The following CARMIL1 variants were observed in gnomAD, a reference collection of about 807,000 sequenced individuals.
The protein encoded by CARMIL1 is capping protein regulator and myosin 1 linker 1, also known as F-actin-uncapping protein LRRC16A.
Under a neutral mutation model 177.1 loss-of-function variants are expected in CARMIL1, and 90 were observed. That is an observed-to-expected ratio of 0.51 (90% CI 0.43 to 0.61). The LOEUF is 0.61. Among genes scored for constraint, CARMIL1 ranks in the 20% least tolerant of loss-of-function variants. The pLI, the probability that CARMIL1 is intolerant of heterozygous loss-of-function variation, is 0.00. For missense variants in CARMIL1, 1,380 were observed against 1,667.0 expected, an observed-to-expected ratio of 0.83 and a Z score of 3.00; for synonymous variants, 577 against 606.2, an observed-to-expected ratio of 0.95 and a Z score of 0.71.
At chr6:25,397,708 G>C (rs765666155) in intron 2 of CARMIL1, among the ~76,000 whole-genome samples, 7 of 152,098 alleles carry the variant, frequency 4.6e-5, no homozygotes, top group Admixed American at 1.3e-4. Context: ...AAGGATGGTG[G>C]TGTCTGGATT....
intron 2 of CARMIL1, among the ~76,000 whole-genome samples, chr6:25,363,034 C>A (rs1207962075): frequency 6.6e-6 from 1 of 151,724 alleles, no homozygotes; most frequent in Non-Finnish European, 1.5e-5. Context: ...GACTCTGTCT[C>A]CAAAACAAAG....
rs71555195 is a variant in CARMIL1, at chr6:25,390,411, T to A, written c.139-29703T>A. On this transcript the variant is annotated intron_variant, in intron 2 of 36. Coordinates refer to ENST00000329474, the MANE Select transcript of CARMIL1 (RefSeq NM_017640.6). ...GTCTTGGCTCATTGCAACCTCTGCCTCTTGGGCTCAAGTGATCCTCCCACC... is the reference window on the plus strand; with the variant it reads ...GTCTTGGCTCATTGCAACCTCTGCCACTTGGGCTCAAGTGATCCTCCCACC... Among the ~76,000 whole-genome samples, 508 of 148,910 alleles carry A rather than the reference T, an allele frequency of 3.4e-3. 1 individual carries two copies. The highest frequency in any genetic ancestry group is 5.2e-3 in the Non-Finnish European group (348 of 67,486).
chr6:25,284,812 A>G lies in CARMIL1; in HGVS notation c.41A>G (p.Glu14Gly). 14 of 1,489,248 alleles carry G rather than the reference A, an allele frequency of 9.4e-6. No individual in the cohort carries two copies. Among genetic ancestry groups the G allele is most frequent in the Non-Finnish European group, 1.3e-5 (14 of 1,092,954 alleles). The allele number at this position is 1,489,248 out of a possible 1,614,324, so 92.3% of individuals were successfully genotyped here. ...TAACATAATTCCTTTTTTTTTTCAG[A>G]AAGCATAAAGGATGTTATTGGCAGA... is the stretch of plus-strand genomic sequence containing the variant. ...ESSDVPRELIESIKDVIGRKI... is the reference protein window; with the variant it reads ...ESSDVPRELIGSIKDVIGRKI... The change falls in exon 2 of 37, where the codon GAA becomes GGA. Residue 14 changes from glutamate to glycine, a missense_variant and splice_region_variant. Transcript: ENST00000329474.
rs1165958458 is a variant in CARMIL1, at chr6:25,546,696, G to A, written c.2329-4214G>A. On this transcript the variant is annotated intron_variant, in intron 26 of 36. Transcript: ENST00000329474. ...AAAAAAAAAAAAAAAAAAAAATTGT[G>A]TTTCTATATGTCAGCAACAACTAGT... Among the ~76,000 whole-genome samples, 22 of 145,042 alleles carry A rather than the reference G, an allele frequency of 1.5e-4. No individual in the cohort carries two copies. The Admixed American group carries it at 1.5e-3, about 10-fold the overall frequency.
intron 10 of CARMIL1, among the ~76,000 whole-genome samples, chr6:25,471,674 G>C (rs571849311): frequency 6.6e-6 from 1 of 152,302 alleles, no homozygotes; most frequent in Non-Finnish European, 1.5e-5. Context: ...CTTTTACTCT[G>C]TAGATGGTAT....
At chr6:25,342,388 CTCT>C (rs1277674248) in intron 2 of CARMIL1, among the ~76,000 whole-genome samples, 1 of 152,124 alleles carries the variant, frequency 6.6e-6, no homozygotes, top group African/African-American at 2.4e-5. Context: ...TCTCGCTGCT[CTCT>C]TCTTACTGCA....
At chr6:25,394,798 G>A (rs1332149436) in intron 2 of CARMIL1, among the ~76,000 whole-genome samples, 1 of 152,196 alleles carries the variant, frequency 6.6e-6, no homozygotes, top group Non-Finnish European at 1.5e-5. Flanking sequence ...CTATTTTGGG[G>A]TTTCTGTGAG....
At chr6:25,369,173 G>T (rs1790140061) in intron 2 of CARMIL1, among the ~76,000 whole-genome samples, 1 of 152,046 alleles carries the variant, frequency 6.6e-6, no homozygotes, top group Non-Finnish European at 1.5e-5. Context: ...TAAATATTGG[G>T]TGGATCTGTC....
chr6:25,298,806 G>A (rs370318570), intron 2 of CARMIL1, among the ~76,000 whole-genome samples: 2 of 150,184 alleles, frequency 1.3e-5, no homozygotes, highest in East Asian at 1.9e-4. Flanking sequence ...CTGGGCTGGA[G>A]TGCAATGGCG....
Position 25,515,616 on chromosome 6 carries a change from T to G in CARMIL1, c.1633-59T>G. On this transcript the variant is annotated intron_variant, in intron 20 of 36. Transcript: ENST00000329474. The surrounding 1 kb of genome is among the most constrained non-coding windows in gnomAD (Gnocchi z 5.0). ...CTCTCATTCTCCACGAAATGCGTCG[T>G]GGAGAGTGGGTGCTGCTTTGATGAG... 1.3e-6 allele frequency: 2 copies of G among 1,492,536 alleles called. No homozygotes were observed. Among genetic ancestry groups the G allele is most frequent in the Non-Finnish European group, 1.8e-6 (2 of 1,104,620 alleles). The allele number at this position is 1,492,536 out of a possible 1,614,324, so 92.5% of individuals were successfully genotyped here. A position where few individuals can be genotyped will look rare whatever the true frequency, so the allele number is the denominator to read the frequency against.
intron 26 of CARMIL1, among the ~76,000 whole-genome samples, chr6:25,547,386 A>G (rs141204516): frequency 1.3e-5 from 2 of 152,324 alleles, no homozygotes; most frequent in Non-Finnish European, 2.9e-5. Context: ...GAAGGTTGGT[A>G]GTCTTGTTCT....
intron 2 of CARMIL1, among the ~76,000 whole-genome samples, chr6:25,342,082 A>T (rs780635790): frequency 6.6e-6 from 1 of 152,222 alleles, no homozygotes; most frequent in Non-Finnish European, 1.5e-5. Flanking sequence ...GCTAGTGGGC[A>T]GCCCACATTT....
intron 10 of CARMIL1, 144 bp from the exon 11 acceptor site, chr6:25,472,283 G>A (rs1029691660): frequency 1.0e-5 from 6 of 585,470 alleles, no homozygotes; most frequent in Non-Finnish European, 1.5e-5. Flanking sequence ...AGGTGTTAAT[G>A]GGTATTAAGA....
intron 2 of CARMIL1, among the ~76,000 whole-genome samples, chr6:25,417,023 A>G (rs1353069741): frequency 3.9e-5 from 6 of 152,134 alleles, no homozygotes. Flanking sequence ...CTGGCTTCCT[A>G]TAGCCATGCT....
intron 5 of CARMIL1, among the ~76,000 whole-genome samples, chr6:25,439,199 G>A (rs553607505): frequency 2.0e-5 from 3 of 152,132 alleles, no homozygotes; most frequent in Admixed American, 2.0e-4. Context: ...GGTGGGATCT[G>A]TAGCCATTCT....
chr6:25,370,490 G>A (rs1790296447), intron 2 of CARMIL1, among the ~76,000 whole-genome samples: 1 of 152,218 alleles, frequency 6.6e-6, no homozygotes, highest in East Asian at 1.9e-4. Context: ...GGCTAGTAAA[G>A]AAGACGTGGA....
chr6:25,431,380 T>C (rs1796770580), intron 4 of CARMIL1, among the ~76,000 whole-genome samples: 1 of 152,230 alleles, frequency 6.6e-6, no homozygotes, highest in Non-Finnish European at 1.5e-5. Flanking sequence ...CTTGGAACTT[T>C]TCCACAGTTC....
intron 2 of CARMIL1, among the ~76,000 whole-genome samples, chr6:25,321,667 A>AT (rs11321101): frequency 6.1e-4 from 91 of 148,164 alleles, no homozygotes; most frequent in African/African-American, 1.1e-3. Flanking sequence ...ATTTAATTTA[A>AT]TTTTTTTTTT....
chr6:25,518,901 A>G (rs1455544908), intron 22 of CARMIL1, among the ~76,000 whole-genome samples: 1 of 152,222 alleles, frequency 6.6e-6, no homozygotes, highest in Non-Finnish European at 1.5e-5. Flanking sequence ...AAAAAGACAT[A>G]TCGTCTCTTA....
Sources: gnomAD v4.1 joint callset for allele counts (sites outside exome capture counted in the v4.1 genomes callset) on GRCh38, gnomAD v4.1.1 for gene constraint, Gnocchi (gnomAD v3.1) non-coding constraint, MANE v1.5 for transcripts, NCBI Gene and HGNC (gene_info 2026-07-23, HGNC 2026-07-21) for gene names.